SPECC1L: variants seen among roughly 807,000 people sequenced by gnomAD.
The protein encoded by SPECC1L is cytospin-A.
In SPECC1L, 40 loss-of-function variants were observed where a neutral mutation model predicts 116.8. That is an observed-to-expected ratio of 0.34 (90% CI 0.27 to 0.45). The LOEUF is 0.45. Among genes scored for constraint, SPECC1L ranks in the 20% least tolerant of loss-of-function variants. The pLI is 1.00. For synonymous variants in SPECC1L, 504 were observed against 500.6 expected, an observed-to-expected ratio of 1.01 and a Z score of -0.09; for missense variants, 1,110 against 1,373.6, an observed-to-expected ratio of 0.81 and a Z score of 3.03.
At chr22:24,280,562 CTA>C (rs1478568024) in intron 2 of SPECC1L, among the ~76,000 whole-genome samples, 1 of 149,924 alleles carries the variant, frequency 6.7e-6, no homozygotes, top group African/African-American at 2.5e-5. Flanking sequence ...ATGAATGTGA[CTA>C]TGTTTCAATA....
intron 14 of SPECC1L, among the ~76,000 whole-genome samples, chr22:24,408,302 C>G (rs925250564): frequency 2.0e-5 from 3 of 152,250 alleles, no homozygotes; most frequent in Non-Finnish European, 4.4e-5. Context: ...GCACCTTCTT[C>G]ATTAGGTCAT....
At chr22:24,373,846 G>A (rs368795669) in intron 14 of SPECC1L, among the ~76,000 whole-genome samples, 4 of 152,008 alleles carry the variant, frequency 2.6e-5, no homozygotes, top group Non-Finnish European at 4.4e-5. Context: ...GCAACCTACA[G>A]AATGGGAGAA....
chr22:24,321,800 T>C lies in SPECC1L; in HGVS notation c.820T>C (p.Leu274=). 2.5e-6 allele frequency: 4 copies of C among 1,614,190 alleles called. No homozygotes were observed. Among genetic ancestry groups the C allele is most frequent in the East Asian group, 2.2e-5 (1 of 44,892 alleles). The change falls in exon 5 of 17, where the codon TTG becomes CTG. Residue 274 remains leucine, a synonymous_variant. Coordinates refer to ENST00000314328, the MANE Select transcript of SPECC1L (RefSeq NM_015330.6). ...AATGTTAAAGGACAGGTTGAATGCATTGGGCTTTTCCCTAGAGCAGAGGTT... is the reference window on the plus strand; with the variant it reads ...AATGTTAAAGGACAGGTTGAATGCACTGGGCTTTTCCCTAGAGCAGAGGTT... ...NRMLKDRLNA[L]GFSLEQRLDN...
rs201912831 is a variant in SPECC1L at position 24,275,330 on chromosome 22, A to C, written c.-141-1370A>C. Among the ~76,000 whole-genome samples, 772 of 144,334 alleles carry C rather than the reference A, an allele frequency of 5.3e-3. 2 individuals are homozygous for C. The highest frequency in any genetic ancestry group is 0.017 in the East Asian group (77 of 4,666). The allele number at this position is 144,334 out of a possible 152,430, so 94.7% of individuals were successfully genotyped here. ...TTTATTCTAGTTGCACTTGACCCTG[A>C]CAGCTGTGAGACACCTCCCAGTAGT... On this transcript the variant is annotated intron_variant, in intron 1 of 16. Coordinates refer to ENST00000314328, the MANE Select transcript of SPECC1L (RefSeq NM_015330.6).
intron 2 of SPECC1L, among the ~76,000 whole-genome samples, chr22:24,281,863 G>T (rs5760309): frequency 0.044 from 6,749 of 152,296 alleles, 329 homozygotes; most frequent in South Asian, 0.14. Flanking sequence ...CTTGCCCATT[G>T]CCTAGACAGA....
intron 14 of SPECC1L, among the ~76,000 whole-genome samples, chr22:24,375,572 A>T (rs905630315): frequency 2.0e-5 from 3 of 152,224 alleles, no homozygotes; most frequent in African/African-American, 7.2e-5. Flanking sequence ...GACACTGTAA[A>T]AGCATTTGGT....
chr22:24,271,464 C>T (rs1296082145), intron 1 of SPECC1L, among the ~76,000 whole-genome samples: 2 of 152,246 alleles, frequency 1.3e-5, no homozygotes, highest in Admixed American at 1.3e-4. Context: ...GGCCTGCTGC[C>T]GGTGCTGCTT....
chr22:24,408,769 A>G (rs532621880), intron 14 of SPECC1L, among the ~76,000 whole-genome samples: 87 of 152,384 alleles, frequency 5.7e-4, no homozygotes, highest in African/African-American at 2.0e-3. Context: ...TGGAAGGCTC[A>G]TGCTTTGCAC....
chr22:24,412,437 A>C (rs1212686840), intron 15 of SPECC1L: 1 of 634,920 alleles, frequency 1.6e-6, no homozygotes, highest in African/African-American at 1.8e-5. Flanking sequence ...TTGGTGGGTC[A>C]CTGCAGCAGG....
At chr22:24,272,175 G>A (rs2048740129) in intron 1 of SPECC1L, among the ~76,000 whole-genome samples, 1 of 152,218 alleles carries the variant, frequency 6.6e-6, no homozygotes, top group East Asian at 1.9e-4. Context: ...GAAGTCAGGA[G>A]TTCAAGACCA....
intron 2 of SPECC1L, among the ~76,000 whole-genome samples, chr22:24,279,920 T>TAC (rs1452309899): frequency 6.6e-6 from 1 of 152,244 alleles, no homozygotes; most frequent in Non-Finnish European, 1.5e-5. Flanking sequence ...TGACAGTCTC[T>TAC]ACATTGTGAA....
chr22:24,336,296 T>A (rs978075475), intron 9 of SPECC1L, among the ~76,000 whole-genome samples: 27 of 152,000 alleles, frequency 1.8e-4, no homozygotes, highest in Non-Finnish European at 2.9e-4. Context: ...TATGTGTGTG[T>A]GTACATATAT....
intron 14 of SPECC1L, among the ~76,000 whole-genome samples, chr22:24,410,345 G>T (rs2042671500): frequency 6.6e-6 from 1 of 152,208 alleles, no homozygotes; most frequent in Admixed American, 6.5e-5. Flanking sequence ...AGAGGTTTTT[G>T]ATGGACTGCA....
chr22:24,393,213 C>G (rs1280289091), intron 14 of SPECC1L, among the ~76,000 whole-genome samples: 1 of 152,214 alleles, frequency 6.6e-6, no homozygotes, highest in Non-Finnish European at 1.5e-5. Context: ...GCCACAGAGA[C>G]TGTTATCTCT....
At chr22:24,317,354 G>A (rs1413337754) in intron 4 of SPECC1L, among the ~76,000 whole-genome samples, 1 of 118,528 alleles carries the variant, frequency 8.4e-6, no homozygotes, top group Non-Finnish European at 1.9e-5. Context: ...GGCTGGCCGG[G>A]CAGAGGGGCT....
chr22:24,287,164 A>AG (rs1244747494), intron 2 of SPECC1L, among the ~76,000 whole-genome samples: 1 of 152,180 alleles, frequency 6.6e-6, no homozygotes, highest in Non-Finnish European at 1.5e-5. Flanking sequence ...AGGGGTTTTC[A>AG]GGGGTAGGAA....
chr22:24,279,616 G>C (rs1462720722), intron 2 of SPECC1L, among the ~76,000 whole-genome samples: 1 of 151,882 alleles, frequency 6.6e-6, no homozygotes, highest in Non-Finnish European at 1.5e-5. Flanking sequence ...GTCTAGCTCT[G>C]TTGCCCAGGT....
chr22:24,313,615 C>G, intron 4 of SPECC1L, 149 bp downstream of exon 4: 1 of 881,890 alleles, frequency 1.1e-6, no homozygotes, highest in Admixed American at 2.1e-5. Flanking sequence ...ACGCTCATCA[C>G]CATTATCAAC....
intron 3 of SPECC1L, among the ~76,000 whole-genome samples, chr22:24,307,586 T>C (rs2049525912): frequency 6.6e-6 from 1 of 151,916 alleles, no homozygotes; most frequent in Non-Finnish European, 1.5e-5. Context: ...TATGTGTGTC[T>C]GTGTGTGTAT....
Sources: allele counts gnomAD v4.1 joint callset (sites outside exome capture counted in the v4.1 genomes callset), GRCh38; gene constraint gnomAD v4.1.1; transcripts MANE v1.5; gene names NCBI Gene and HGNC (gene_info 2026-07-23, HGNC 2026-07-21).